Variants in MACC1 observed in about 807,000 individuals in gnomAD.
The protein encoded by MACC1 is metastasis-associated in colon cancer protein 1.
Under a neutral mutation model 70.7 loss-of-function variants are expected in MACC1, and 79 were observed. That is an observed-to-expected ratio of 1.12 (90% CI 0.93 to 1.35). The LOEUF is 1.35. Ranked by LOEUF, MACC1 falls within the 40% of genes most tolerant of loss-of-function variation. The pLI, the probability that MACC1 is intolerant of heterozygous loss-of-function variation, is 0.00. For missense variants in MACC1, 1,106 were observed against 978.1 expected (o/e 1.13, Z -1.74); for synonymous variants, 361 against 347.2 (o/e 1.04, Z -0.44).
chr7:20,177,055 A>ACC (rs1782404169), intron 1 of MACC1, among the ~76,000 whole-genome samples: 1 of 152,060 alleles, frequency 6.6e-6, no homozygotes, highest in African/African-American at 2.4e-5. Context: ...ATACATACAC[A>ACC]CCTTGTACAA....
At chr7:20,143,172 C>T (rs577809794) in intron 6 of MACC1, among the ~76,000 whole-genome samples, 22 of 152,246 alleles carry the variant, frequency 1.4e-4, no homozygotes, top group African/African-American at 4.6e-4. Flanking sequence ...GCCTATCTTG[C>T]GGCAGGACTG....
rs1264024127 is a variant in MACC1, at chr7:20,141,035, GTT to G, written c.2468_2469del (p.Lys823ThrfsTer27). The G allele has an allele frequency of 1.8e-5, 29 of 1,613,910 alleles. No individual in the cohort carries two copies. Among genetic ancestry groups the G allele is most frequent in the Non-Finnish European group, 2.5e-5 (29 of 1,179,970 alleles). On this transcript the variant is annotated frameshift_variant, in exon 7 of 7. Transcript: ENST00000400331. LOFTEE classifies it high-confidence loss of function. The part of the protein sequence containing the change: ...ALDRMKNPVT[K>X]HWRELTGVLI... ...AAAACTCCAGTTAATTCTCTCCAGT[GTT>G]TAGTCACAGGGTTTTTCATTCTGTC...
chr7:20,156,133 G>A lies in MACC1; in HGVS notation c.2158-1752C>T, dbSNP rs149930523. 9.3e-4 allele frequency among the ~76,000 whole-genome samples: 141 copies of A among 152,284 alleles called. 1 individual carries two copies. Among genetic ancestry groups the A allele is most frequent in the African/African-American group, 3.3e-3 (136 of 41,552 alleles). On this transcript the variant is annotated intron_variant, in intron 5 of 6. Coordinates refer to ENST00000400331, the MANE Select transcript of MACC1 (RefSeq NM_182762.4). ...ATGACTGAAGGGTTTGGATCCCACA[G>A]TCTTTTTCAGCTTATCGGGTCGCTC... is the stretch of plus-strand genomic sequence containing the variant.
In MACC1 at chr7:20,171,621, G is replaced by C. The variant is rs192421579; in HGVS notation, c.-217-843C>G. 5.4e-5 allele frequency among the ~76,000 whole-genome samples: 8 copies of C among 147,666 alleles called. No individual in the cohort carries two copies. The East Asian group carries it at 1.6e-3, about 29-fold the overall frequency. ...TTTTGAGATGGAGTCTCGTTCTGTC[G>C]CCCAGGTTGGAGTGCAGTGGTGTGA... On this transcript the variant is annotated intron_variant, in intron 1 of 6. Transcript: ENST00000400331.
At chr7:20,205,294 G>C (rs1425433179) in intron 1 of MACC1, among the ~76,000 whole-genome samples, 1 of 152,154 alleles carries the variant, frequency 6.6e-6, no homozygotes, top group Non-Finnish European at 1.5e-5. Context: ...GAACATAGAA[G>C]TTGGAAAAAA....
chr7:20,155,208 G>C (rs2128102063), intron 5 of MACC1, among the ~76,000 whole-genome samples: 1 of 152,214 alleles, frequency 6.6e-6, no homozygotes, highest in Non-Finnish European at 1.5e-5. Context: ...TGAGCAAATA[G>C]AGTAGCTCCC....
chr7:20,215,801 G>A (rs1783061236), intron 1 of MACC1, among the ~76,000 whole-genome samples: 1 of 152,296 alleles, frequency 6.6e-6, no homozygotes, highest in South Asian at 2.1e-4. Context: ...TTTAAGATAA[G>A]ATGGTGTTTA....
intron 1 of MACC1, among the ~76,000 whole-genome samples, chr7:20,171,371 C>A (rs1331720734): frequency 1.3e-5 from 2 of 151,524 alleles, no homozygotes; most frequent in African/African-American, 4.9e-5. Context: ...CCTGCCTCAG[C>A]CTCCTGAGTA....
intron 1 of MACC1, among the ~76,000 whole-genome samples, chr7:20,211,939 G>A (rs1360522252): frequency 6.6e-6 from 1 of 152,156 alleles, no homozygotes; most frequent in Non-Finnish European, 1.5e-5. Context: ...AGTTGCAGAT[G>A]AATAATGTAT....
chr7:20,174,288 T>C (rs548348229), intron 1 of MACC1, among the ~76,000 whole-genome samples: 3 of 152,302 alleles, frequency 2.0e-5, no homozygotes, highest in South Asian at 4.1e-4. Context: ...CCAATCAGCA[T>C]CTGGCAAAAC....
intron 6 of MACC1, among the ~76,000 whole-genome samples, chr7:20,143,433 G>T (rs982310986): frequency 2.6e-5 from 4 of 152,182 alleles, no homozygotes; most frequent in Non-Finnish European, 4.4e-5. Context: ...CTGTCGCCCA[G>T]GCTGGAGTGC....
intron 6 of MACC1, among the ~76,000 whole-genome samples, chr7:20,147,262 A>G (rs1009484494): frequency 9.9e-5 from 15 of 152,234 alleles, no homozygotes; most frequent in Admixed American, 3.3e-4. Context: ...GAAATGCCAC[A>G]TGAGTAGAAG....
In MACC1 at chr7:20,159,945, C is replaced by T; in HGVS notation, c.416G>A (p.Ser139Asn). 1.2e-6 allele frequency: 2 copies of T among 1,614,118 alleles called. No homozygotes were observed. The highest frequency in any genetic ancestry group is 1.7e-6 in the Non-Finnish European group (2 of 1,179,992). The change falls in exon 5 of 7, where the codon AGT becomes AAT. Residue 139 changes from serine to asparagine, a missense_variant. By Grantham distance (46) the Ser-to-Asn change is conservative. Transcript: ENST00000400331. ...TAAAATGTCCAGAAGTTCTGAAACA[C>T]TTTTAGATCTTCCAGAATTTCTTGA... ...TSSRNSGRSK[S>N]VSELLDILDD...
intron 1 of MACC1, among the ~76,000 whole-genome samples, chr7:20,181,804 T>A (rs552374062): frequency 6.6e-6 from 1 of 151,932 alleles, no homozygotes; most frequent in Non-Finnish European, 1.5e-5. Flanking sequence ...TAAAAATAAA[T>A]TAAAACATAG....
In MACC1 at chr7:20,159,510, T is replaced by C. The variant is rs1461624447; in HGVS notation, c.851A>G (p.Glu284Gly). ...AATTTTCATCTCCAGCAAAAGGGCT[T>C]CCATTGTATTGAGGTTGCCTAACAT... is the stretch of plus-strand genomic sequence containing the variant. ...EIMLGNLNTM[E>G]ALLLEMKIGA... is the part of the protein sequence containing the mutation. The change falls in exon 5 of 7, where the codon GAA (glutamate) becomes GGA (glycine). Residue 284 changes from glutamate to glycine, a missense_variant. Physicochemically the swap from Glu to Gly is moderately conservative, Grantham distance 98. Transcript: ENST00000400331. 1 of 1,614,012 alleles carries C rather than the reference T, an allele frequency of 6.2e-7. No homozygotes were observed. Among genetic ancestry groups the C allele is most frequent in the Non-Finnish European group, 8.5e-7 (1 of 1,180,028 alleles).
intron 1 of MACC1, among the ~76,000 whole-genome samples, chr7:20,210,022 C>T (rs1782973135): frequency 1.3e-5 from 2 of 152,146 alleles, no homozygotes; most frequent in Admixed American, 6.5e-5. Context: ...GCCTCCCCAG[C>T]AATGTGGAAC....
rs866096919 is a variant in MACC1 at position 20,135,890 on chromosome 7, A to C, written c.*5056T>G. On this transcript the variant is annotated 3_prime_UTR_variant, in exon 7 of 7. Coordinates refer to ENST00000400331, the MANE Select transcript of MACC1 (RefSeq NM_182762.4). ...ATCAATTTCAAAAGATTATGTAAAG[A>C]ATAAATGAGGATATTTGTAAGGTGC... 3 of 152,346 alleles carry C rather than the reference A, an allele frequency of 2.0e-5. No homozygotes were observed. Among genetic ancestry groups the C allele is most frequent in the Non-Finnish European group, 2.9e-5 (2 of 68,028 alleles). 9.4% of individuals were successfully genotyped at this position (152,346 alleles called of 1,614,324 possible).
chr7:20,188,941 T>C (rs532927505), intron 1 of MACC1, among the ~76,000 whole-genome samples: 2 of 152,248 alleles, frequency 1.3e-5, no homozygotes, highest in Non-Finnish European at 2.9e-5. Context: ...TTCTTTAACA[T>C]CTGGCCTTGT....
chr7:20,212,017 T>C (rs3095009), intron 1 of MACC1, among the ~76,000 whole-genome samples: 76,971 of 151,998 alleles, frequency 0.51, 20,137 homozygotes, highest in East Asian at 0.88. Flanking sequence ...TATGGATATC[T>C]TCACATACAC....
Sources: gnomAD v4.1 joint callset for allele counts (sites outside exome capture counted in the v4.1 genomes callset) on GRCh38, gnomAD v4.1.1 for gene constraint, MANE v1.5 for transcripts, NCBI Gene and HGNC (gene_info 2026-07-23, HGNC 2026-07-21) for gene names.